The following C3orf52 variants were observed in gnomAD, a reference collection of about 807,000 sequenced individuals.
The protein encoded by C3orf52 is TPA-induced transmembrane protein.
In C3orf52, 22 loss-of-function variants were observed where a neutral mutation model predicts 24.8. The ratio of observed to expected loss-of-function variants is 0.89; its 90% CI spans 0.63 to 1.27. The LOEUF (loss-of-function observed/expected upper bound fraction) is 1.27. Ranked by LOEUF, C3orf52 falls within the 50% of genes most tolerant of loss-of-function variation. C3orf52 has a pLI of 0.00. For synonymous variants in C3orf52, 93 were observed against 100.2 expected (o/e 0.93, Z 0.43); for missense variants, 265 against 260.7 (o/e 1.02, Z -0.11).
intron 5 of C3orf52, 141 bp from the exon 6 acceptor site, chr3:112,116,501 T>C: frequency 1.5e-6 from 1 of 688,716 alleles, no homozygotes; most frequent in African/African-American, 1.8e-5. Context: ...GAAGACTAAA[T>C]TTCCTCTGTT....
intron 4 of C3orf52, chr3:112,111,614 C>T (rs1024687598): frequency 2.6e-5 from 4 of 152,226 alleles, no homozygotes; most frequent in Non-Finnish European, 5.9e-5. Flanking sequence ...TTTTCCCATT[C>T]AGCTTCTGAC....
At chr3:112,096,557 A>G (rs980431372) in intron 2 of C3orf52, among the ~76,000 whole-genome samples, 1 of 152,218 alleles carries the variant, frequency 6.6e-6, no homozygotes, top group Non-Finnish European at 1.5e-5. Flanking sequence ...CAGAGCTGGG[A>G]TTAATCAGAA....
At chr3:112,116,031 C>T (rs1177922629) in intron 5 of C3orf52, among the ~76,000 whole-genome samples, 1 of 152,064 alleles carries the variant, frequency 6.6e-6, no homozygotes, top group African/African-American at 2.4e-5. Flanking sequence ...TGGTACTGTT[C>T]TCACATGGGA....
intron 4 of C3orf52, among the ~76,000 whole-genome samples, chr3:112,110,351 A>T (rs956242037): frequency 1.1e-4 from 17 of 152,042 alleles, no homozygotes; most frequent in African/African-American, 2.2e-4. Flanking sequence ...AAATAAAAAT[A>T]AAAAAAAGAA....
chr3:112,117,115 A>G lies in C3orf52; in HGVS notation c.*469A>G. On this transcript the variant is annotated 3_prime_UTR_variant, in exon 6 of 6. Transcript: ENST00000264848. ...TTCTTTTAGGTGGGATCGCGTAAGCATGAGCTGGTAGAGCACGGAGAGGCA... is the reference window on the plus strand; with the variant it reads ...TTCTTTTAGGTGGGATCGCGTAAGCGTGAGCTGGTAGAGCACGGAGAGGCA... 1.7e-6 allele frequency: 1 copy of G among 599,540 alleles called. No individual in the cohort carries two copies. The highest frequency in any genetic ancestry group is 2.9e-6 in the Non-Finnish European group (1 of 344,214). The allele number at this position is 599,540 out of a possible 1,614,324, so 37.1% of individuals were successfully genotyped here. A position where few individuals can be genotyped will look rare whatever the true frequency, so the allele number is the denominator to read the frequency against.
chr3:112,128,377 A>T, exon 5 of C3orf52: 1 of 490,026 alleles, frequency 2.0e-6, no homozygotes, highest in Non-Finnish European at 3.8e-6. Context: ...TATCCCCAGG[A>T]AATCAAGGTA....
chr3:112,125,853 C>T (rs1045029592), intron 4 of C3orf52, among the ~76,000 whole-genome samples: 7 of 152,168 alleles, frequency 4.6e-5, no homozygotes, highest in African/African-American at 4.8e-5. Flanking sequence ...ATGAGCAGGG[C>T]GATTTTTCAA....
At chr3:112,118,580 T>C (rs746673773), downstream of C3orf52, among the ~76,000 whole-genome samples, 6 of 152,198 alleles carry the variant, frequency 3.9e-5, no homozygotes, top group Non-Finnish European at 8.8e-5. Context: ...TTGCAAGTCA[T>C]AGAGAGGACT....
At chr3:112,121,373 A>T (rs1484759236), downstream of C3orf52, 1 of 152,154 alleles carries the variant, frequency 6.6e-6, no homozygotes, top group Admixed American at 6.6e-5. Flanking sequence ...GTACATCATA[A>T]AAGATTTTTG....
At chr3:112,109,476 T>C (rs1279432448) in intron 3 of C3orf52, 67 bp from the exon 4 acceptor site, 1 of 979,668 alleles carries the variant, frequency 1.0e-6, no homozygotes, top group Non-Finnish European at 1.6e-6. Context: ...CAGTTTTGCT[T>C]TGTCAGGTGA....
intron 4 of C3orf52, chr3:112,125,330 A>T (rs1178456121): frequency 9.9e-7 from 1 of 1,008,288 alleles, no homozygotes; most frequent in Non-Finnish European, 1.6e-6. Flanking sequence ...AGGCTAGAAT[A>T]TAAATAACTA....
At position 112,117,123 on chromosome 3, in the gene C3orf52, G is replaced by A. The variant is rs2074142223; in HGVS notation, c.*477G>A. ...GGTGGGATCGCGTAAGCATGAGCTG[G>A]TAGAGCACGGAGAGGCAGGCAGCCA... On this transcript the variant is annotated 3_prime_UTR_variant, in exon 6 of 6. Transcript: ENST00000264848. The A allele has an allele frequency of 5.2e-6, 3 of 581,424 alleles. No individual in the cohort carries two copies. Among genetic ancestry groups the A allele is most frequent in the South Asian group, 4.9e-5 (2 of 41,114 alleles). 36.0% of individuals were successfully genotyped at this position (581,424 alleles called of 1,614,324 possible). A position where few individuals can be genotyped will look rare whatever the true frequency, so the allele number is the denominator to read the frequency against.
In C3orf52 at chr3:112,103,801, AGTAGTGTAC is replaced by A. The variant is rs1300994031; in HGVS notation, c.396+837_396+845del. On this transcript the variant is annotated intron_variant, in intron 3 of 5. Coordinates refer to ENST00000264848, the MANE Select transcript of C3orf52 (RefSeq NM_024616.3). ...GCATGGGACATTAAAGGATCTGCAA[AGTAGTGTAC>A]TGTGGCCTTCCCATGCTTTGTGGTG... Among the ~76,000 whole-genome samples, 10 of 152,332 alleles carry A rather than the reference AGTAGTGTAC, an allele frequency of 6.6e-5. No homozygotes were observed. The Middle Eastern group carries it at 0.017, about 259-fold the overall frequency.
intron 4 of C3orf52, among the ~76,000 whole-genome samples, chr3:112,124,375 G>A (rs1467153297): frequency 6.6e-6 from 1 of 152,114 alleles, no homozygotes; most frequent in Non-Finnish European, 1.5e-5. Flanking sequence ...TTGGGAGGCC[G>A]AAGTGGGTGG....
intron 2 of C3orf52, among the ~76,000 whole-genome samples, chr3:112,095,572 A>G (rs2073917725): frequency 6.6e-6 from 1 of 152,230 alleles, no homozygotes. Context: ...CTGGAGATGT[A>G]AAAGGTTATG....
chr3:112,090,372 G>T (rs1365687971), intron 1 of C3orf52, among the ~76,000 whole-genome samples: 1 of 144,712 alleles, frequency 6.9e-6, no homozygotes, highest in African/African-American at 2.6e-5. Flanking sequence ...ATAGCTCACT[G>T]CAGCCTTGAC....
chr3:112,126,648 G>T (rs182293701), intron 4 of C3orf52, among the ~76,000 whole-genome samples: 1 of 152,244 alleles, frequency 6.6e-6, no homozygotes, highest in Non-Finnish European at 1.5e-5. Flanking sequence ...CTTTAACTTG[G>T]CCAGGAGGCC....
At chr3:112,119,262 C>A (rs1429158986), downstream of C3orf52, among the ~76,000 whole-genome samples, 2 of 152,134 alleles carry the variant, frequency 1.3e-5, no homozygotes, top group Admixed American at 1.3e-4. Flanking sequence ...GTAATCCCAG[C>A]TACTCAGGAG....
At chr3:112,112,876 T>TAA (rs76778672) in intron 4 of C3orf52, 88 bp from the exon 5 acceptor site, 575 of 949,532 alleles carry the variant, frequency 6.1e-4, no homozygotes, top group South Asian at 1.2e-3. Flanking sequence ...CATGCAAAAC[T>TAA]AAAAAAAAAA....
Sources: gnomAD v4.1 joint callset for allele counts (sites outside exome capture counted in the v4.1 genomes callset) on GRCh38, gnomAD v4.1.1 for gene constraint, MANE v1.5 for transcripts, NCBI Gene and HGNC (gene_info 2026-07-23, HGNC 2026-07-21) for gene names.